The following SYNE2 variants were observed in gnomAD, a reference collection of about 807,000 sequenced individuals.
The protein encoded by SYNE2 is nesprin-2.
In SYNE2, 431 loss-of-function variants were observed where a neutral mutation model predicts 856.3. The observed-to-expected ratio is 0.50, with a 90% CI of 0.47 to 0.55. SYNE2 has a LOEUF of 0.55. Ranked by LOEUF, SYNE2 falls within the 20% of genes least tolerant of loss-of-function variation. The pLI is 0.00. For missense variants in SYNE2, 8,129 were observed against 8,023.2 expected, an observed-to-expected ratio of 1.01 and a Z score of -0.50; for synonymous variants, 2,923 against 2,872.3, an observed-to-expected ratio of 1.02 and a Z score of -0.56.
At chr14:63,824,705 G>A (rs1302357343) in intron 1 of SYNE2, among the ~76,000 whole-genome samples, 1 of 151,564 alleles carries the variant, frequency 6.6e-6, no homozygotes, top group Non-Finnish European at 1.5e-5. Context: ...GATAAGGGCT[G>A]GAGGTGATGC....
In SYNE2 at chr14:63,854,021, T is replaced by C. The variant is rs111872590; in HGVS notation, c.-52+878T>C. 8.9e-4 allele frequency among the ~76,000 whole-genome samples: 135 copies of C among 152,228 alleles called. 1 individual carries two copies. Among genetic ancestry groups the C allele is most frequent in the African/African-American group, 3.1e-3 (127 of 41,530 alleles). Reference sequence around the variant, plus strand: ...TGTAGCATTCGCGTTTGTGGAAGCCTGCTGTTTCCGAAAGTTATTTCCCCC... The same window carrying C: ...TGTAGCATTCGCGTTTGTGGAAGCCCGCTGTTTCCGAAAGTTATTTCCCCC... On this transcript the variant is annotated intron_variant, in intron 1 of 115. Transcript: ENST00000555002.
At chr14:64,176,545 G>A (rs1042589645) in intron 95 of SYNE2, among the ~76,000 whole-genome samples, 2 of 152,172 alleles carry the variant, frequency 1.3e-5, no homozygotes, top group South Asian at 2.1e-4. Context: ...ACTAAAGCCA[G>A]GCTGTAGAAA....
intron 8 of SYNE2, chr14:63,960,885 AT>A (rs2096304492): frequency 1.7e-6 from 1 of 603,142 alleles, no homozygotes; most frequent in African/African-American, 1.9e-5. Context: ...TCTAAAAAAA[AT>A]AAAAAATAAG....
At chr14:64,100,527 A>AT (rs1298419926) in intron 63 of SYNE2, among the ~76,000 whole-genome samples, 51 of 66,176 alleles carry the variant, frequency 7.7e-4, no homozygotes, top group Middle Eastern at 6.0e-3. Context: ...AAAAAAAAAA[A>AT]AAAAATATAT....
chr14:64,003,005 T>C lies in SYNE2; in HGVS notation c.4072T>C (p.Leu1358=), dbSNP rs2096767273. 6.2e-7 allele frequency: 1 copy of C among 1,614,078 alleles called. No individual in the cohort carries two copies. Among genetic ancestry groups the C allele is most frequent in the Non-Finnish European group, 8.5e-7 (1 of 1,180,014 alleles). ...TACACAGGTGGCACAAGAAAATACG[T>C]TGACAGTAAAAAATAAAGAGGGAGA... ...SDTQVAQENT[L]TVKNKEGEIH... Residue 1358 remains leucine (L), a synonymous_variant, in exon 30 of 116, where the codon TTG becomes CTG. Transcript: ENST00000555002.
chr14:63,786,078 C>A (rs914167394), intron 1 of SYNE2, among the ~76,000 whole-genome samples: 4 of 151,860 alleles, frequency 2.6e-5, no homozygotes, highest in African/African-American at 9.7e-5. Flanking sequence ...TGGTGAATCC[C>A]GTCTCTACTA....
chr14:63,779,260 GGTT>G (rs1887220434), intron 1 of SYNE2, among the ~76,000 whole-genome samples: 1 of 151,634 alleles, frequency 6.6e-6, no homozygotes, highest in African/African-American at 2.4e-5. Context: ...GGGAGGCTAA[GGTT>G]GCAGTGAGCT....
At chr14:64,188,440 G>T in intron 97 of SYNE2, 110 bp from the exon 98 acceptor site, 2 of 1,222,098 alleles carry the variant, frequency 1.6e-6, no homozygotes, top group Non-Finnish European at 1.2e-6. Flanking sequence ...ACAAGGTTGA[G>T]TGCGGAGAGC....
At chr14:64,165,237 T>A in intron 89 of SYNE2, 48 bp from the exon 90 acceptor site, 6 of 1,594,098 alleles carry the variant, frequency 3.8e-6, no homozygotes, top group Non-Finnish European at 5.2e-6. Context: ...TAATTCTGTT[T>A]TATATGTACA....
rs374896914 is a variant in SYNE2, at chr14:64,108,625, TTTC to T, written c.12609+1024_12609+1026del. On this transcript the variant is annotated intron_variant, in intron 65 of 115. Coordinates refer to ENST00000555002, the MANE Select transcript of SYNE2 (RefSeq NM_182914.3). The stretch of plus-strand genomic sequence containing the variant: ...TTTATTGTTTAATTATTGCATCTCT[TTTC>T]TTCTTTTATACTGAGTTCTATTTAT... 1.9e-4 allele frequency among the ~76,000 whole-genome samples: 29 copies of T among 152,274 alleles called. 1 individual carries two copies. Among genetic ancestry groups the T allele is most frequent in the Middle Eastern group, 3.4e-3 (1 of 294 alleles).
At chr14:63,948,581 G>C (rs1221798128) in intron 6 of SYNE2, among the ~76,000 whole-genome samples, 2 of 150,432 alleles carry the variant, frequency 1.3e-5, no homozygotes, top group Non-Finnish European at 3.0e-5. Flanking sequence ...AGAATCACTT[G>C]AACCGGGAGG....
chr14:63,821,427 A>C (rs867843577), intron 1 of SYNE2, among the ~76,000 whole-genome samples: 1 of 152,174 alleles, frequency 6.6e-6, no homozygotes, highest in Non-Finnish European at 1.5e-5. Flanking sequence ...GGAAACTTCA[A>C]AATGTATTTG....
chr14:63,883,389 G>T (rs1295470104), intron 1 of SYNE2, among the ~76,000 whole-genome samples: 2 of 151,658 alleles, frequency 1.3e-5, no homozygotes, highest in African/African-American at 4.8e-5. Flanking sequence ...TCAGGGTCTC[G>T]CTCTGTTACC....
intron 97 of SYNE2, among the ~76,000 whole-genome samples, chr14:64,187,729 A>G (rs1420520581): frequency 1.3e-5 from 2 of 152,216 alleles, no homozygotes; most frequent in East Asian, 3.8e-4. Context: ...TGGGGTGTCA[A>G]AACTTTACCA....
At chr14:63,991,677 GACTC>G (rs2096667530) in intron 21 of SYNE2, among the ~76,000 whole-genome samples, 1 of 152,142 alleles carries the variant, frequency 6.6e-6, no homozygotes, top group African/African-American at 2.4e-5. Flanking sequence ...CCAAACCAGA[GACTC>G]ACTATTAATT....
intron 66 of SYNE2, among the ~76,000 whole-genome samples, chr14:64,116,028 G>A (rs2097851429): frequency 6.6e-6 from 1 of 152,020 alleles, no homozygotes; most frequent in African/African-American, 2.4e-5. Flanking sequence ...TAAACTAGCT[G>A]GGCATGGTGG....
intron 78 of SYNE2, among the ~76,000 whole-genome samples, chr14:64,137,315 T>A (rs747696198): frequency 1.3e-5 from 2 of 152,236 alleles, no homozygotes; most frequent in Non-Finnish European, 2.9e-5. Context: ...TTCTCCTGCC[T>A]CAGCCTCCTG....
At chr14:63,764,767 G>GT (rs1298058507) in intron 1 of SYNE2, among the ~76,000 whole-genome samples, 2 of 151,756 alleles carry the variant, frequency 1.3e-5, no homozygotes, top group Admixed American at 1.3e-4. Context: ...AGTGTGTGAT[G>GT]TTCCCCTCCC....
At chr14:63,801,619 T>C (rs1888133626) in intron 1 of SYNE2, among the ~76,000 whole-genome samples, 1 of 151,950 alleles carries the variant, frequency 6.6e-6, no homozygotes, top group Admixed American at 6.6e-5. Context: ...GCAGAGGTTG[T>C]GGTGAGATTG....
Sources: gnomAD v4.1 joint callset for allele counts (sites outside exome capture counted in the v4.1 genomes callset) on GRCh38, gnomAD v4.1.1 for gene constraint, MANE v1.5 for transcripts, NCBI Gene and HGNC (gene_info 2026-07-23, HGNC 2026-07-21) for gene names.